HPSE2: variants seen among roughly 807,000 people sequenced by gnomAD.
HPSE2 encodes heparanase 2 (inactive), also known as inactive heparanase-2.
HPSE2 carries 38 observed loss-of-function variants against 60.5 expected under a neutral mutation model. The observed-to-expected ratio is 0.63, with a 90% CI of 0.48 to 0.82. The LOEUF is 0.82. Among genes scored for constraint, HPSE2 ranks in the 40% least tolerant of loss-of-function variants. The pLI is 0.00. For synonymous variants in HPSE2, 295 were observed against 293.2 expected (o/e 1.01, Z -0.06); for missense variants, 713 against 740.4 (o/e 0.96, Z 0.43).
At chr10:98,972,242 T>G (rs1955973282) in intron 3 of HPSE2, among the ~76,000 whole-genome samples, 1 of 152,156 alleles carries the variant, frequency 6.6e-6, no homozygotes, top group African/African-American at 2.4e-5. Flanking sequence ...CTTTTCTTGT[T>G]GCTGTATTCT....
At chr10:98,856,272 T>C (rs964598754) in intron 3 of HPSE2, among the ~76,000 whole-genome samples, 4 of 152,168 alleles carry the variant, frequency 2.6e-5, no homozygotes, top group African/African-American at 9.6e-5. Context: ...AGATATAATC[T>C]AGATGTGAGA....
chr10:99,310,131 C>T, the HPSE2 span, among the ~76,000 whole-genome samples: 40 of 152,326 alleles, frequency 2.6e-4, no homozygotes, highest in African/African-American at 8.4e-4. Flanking sequence ...CTACCAGCTC[C>T]TTCTTATAAG....
the HPSE2 span, among the ~76,000 whole-genome samples, chr10:99,262,428 C>T: frequency 1.3e-5 from 2 of 152,090 alleles, no homozygotes; most frequent in Non-Finnish European, 2.9e-5. Flanking sequence ...CCCTTTTCCC[C>T]AGTTCAAAGC....
intron 5 of HPSE2, among the ~76,000 whole-genome samples, chr10:98,708,966 C>T (rs541113407): frequency 6.6e-6 from 1 of 152,244 alleles, no homozygotes; most frequent in Admixed American, 6.5e-5. Flanking sequence ...TCTCCCTGCC[C>T]CCATGAACCT....
At chr10:98,461,915 T>C (rs971796637) in intron 11 of HPSE2, 13 of 900,084 alleles carry the variant, frequency 1.4e-5, no homozygotes, top group Non-Finnish European at 2.3e-5. Flanking sequence ...CTGGTTTCTT[T>C]ATTGGTTGGT....
intron 9 of HPSE2, among the ~76,000 whole-genome samples, chr10:98,562,978 C>A (rs964663034): frequency 6.6e-6 from 1 of 151,922 alleles, no homozygotes; most frequent in Non-Finnish European, 1.5e-5. Flanking sequence ...GCTTAAAAAA[C>A]AAACAAACAA....
intron 3 of HPSE2, among the ~76,000 whole-genome samples, chr10:98,937,789 G>A (rs1954851501): frequency 2.1e-5 from 3 of 142,624 alleles, no homozygotes. Context: ...GCCTCCTCAA[G>A]TGGGTCCCTG....
At chr10:99,217,488 T>C (rs1164045295) in intron 2 of HPSE2, among the ~76,000 whole-genome samples, 1 of 152,154 alleles carries the variant, frequency 6.6e-6, no homozygotes, top group African/African-American at 2.4e-5. Context: ...TTATGCTGTG[T>C]GCATTTTAGA....
At chr10:98,984,932 G>C (rs1383653453) in intron 3 of HPSE2, among the ~76,000 whole-genome samples, 1 of 152,108 alleles carries the variant, frequency 6.6e-6, no homozygotes, top group Non-Finnish European at 1.5e-5. Flanking sequence ...GAGAAGGGAA[G>C]TTTAGAGAAA....
In HPSE2 at chr10:98,693,626, C is replaced by G. The variant is rs79140174; in HGVS notation, c.1004+274G>C. ...CATGCTCAGATCCCCATTACCTGTT[C>G]ACTGATGACAGATTAATTTAAAAGG... is the stretch of plus-strand genomic sequence containing the variant. On this transcript the variant is annotated intron_variant, in intron 6 of 11. Transcript: ENST00000370552. 2.9e-3 allele frequency among the ~76,000 whole-genome samples: 444 copies of G among 152,328 alleles called. 11 individuals are homozygous for G. The East Asian group carries it at 0.049, about 17-fold the overall frequency.
chr10:98,989,301 G>A (rs951151726), intron 3 of HPSE2, among the ~76,000 whole-genome samples: 3 of 152,220 alleles, frequency 2.0e-5, no homozygotes, highest in East Asian at 1.9e-4. Flanking sequence ...ATACACCATC[G>A]AATACTAGGC....
chr10:98,608,409 C>A (rs1449117377), intron 9 of HPSE2, among the ~76,000 whole-genome samples: 2 of 152,210 alleles, frequency 1.3e-5, no homozygotes, highest in Non-Finnish European at 1.5e-5. Context: ...CCTGTGCACA[C>A]CGCTCAGGCT....
At chr10:98,683,812 T>C (rs1323197064) in intron 6 of HPSE2, among the ~76,000 whole-genome samples, 1 of 151,980 alleles carries the variant, frequency 6.6e-6, no homozygotes, top group East Asian at 1.9e-4. Flanking sequence ...TAATTTCAGA[T>C]TGACAGGGTC....
At chr10:98,836,088 T>C (rs11189841) in intron 3 of HPSE2, among the ~76,000 whole-genome samples, 5,754 of 152,286 alleles carry the variant, frequency 0.038, 235 homozygotes, top group East Asian at 0.17. Flanking sequence ...AGGAAAGTAA[T>C]TTTGAAATCA....
intron 4 of HPSE2, among the ~76,000 whole-genome samples, chr10:98,725,862 G>A (rs1300457273): frequency 6.6e-6 from 1 of 152,176 alleles, no homozygotes; most frequent in Non-Finnish European, 1.5e-5. Context: ...AGACATTTAT[G>A]CAGCCAAAAA....
At chr10:98,978,978 T>C (rs528076117) in intron 3 of HPSE2, among the ~76,000 whole-genome samples, 3 of 152,330 alleles carry the variant, frequency 2.0e-5, no homozygotes, top group Admixed American at 6.5e-5. Context: ...GTTTCAGCTC[T>C]TGAACTGCGA....
intron 3 of HPSE2, among the ~76,000 whole-genome samples, chr10:98,839,630 A>G (rs1951865818): frequency 6.6e-6 from 1 of 152,232 alleles, no homozygotes; most frequent in Non-Finnish European, 1.5e-5. Context: ...TATTCCTCAC[A>G]GGAACACAGT....
At chr10:99,298,951 G>C in the HPSE2 span, among the ~76,000 whole-genome samples, 1 of 152,164 alleles carries the variant, frequency 6.6e-6, no homozygotes. Context: ...GGGATAACAG[G>C]TGTGAGCCAC....
At chr10:98,562,802 T>C (rs952311013) in intron 9 of HPSE2, among the ~76,000 whole-genome samples, 13 of 152,170 alleles carry the variant, frequency 8.5e-5, no homozygotes, top group African/African-American at 3.1e-4. Flanking sequence ...CAAATGATTC[T>C]ATGTACAAAT....
Sources: gnomAD v4.1 joint callset for allele counts (sites outside exome capture counted in the v4.1 genomes callset) on GRCh38, gnomAD v4.1.1 for gene constraint, MANE v1.5 for transcripts, NCBI Gene and HGNC (gene_info 2026-07-23, HGNC 2026-07-21) for gene names.